The following VDAC1 variants were observed in gnomAD, a reference collection of about 807,000 sequenced individuals.
The protein encoded by VDAC1 is voltage dependent anion channel 1.
A neutral mutation model predicts 34.7 loss-of-function variants in VDAC1; 10 were observed. The ratio of observed to expected loss-of-function variants is 0.29; its 90% CI spans 0.18 to 0.49. The LOEUF is 0.49. Ranked by LOEUF, VDAC1 falls within the 20% of genes least tolerant of loss-of-function variation. VDAC1 has a pLI of 0.99. For missense variants in VDAC1, 230 were observed against 347.9 expected (o/e 0.66, Z 2.69); for synonymous variants, 130 against 136.0 (o/e 0.96, Z 0.30).
At chr5:134,015,432 T>G in the VDAC1 span, among the ~76,000 whole-genome samples, 1 of 152,100 alleles carries the variant, frequency 6.6e-6, no homozygotes, top group Non-Finnish European at 1.5e-5. Context: ...CAACACACAT[T>G]GAATCTTCTG....
At chr5:134,007,935 A>G (rs1261455640), upstream of VDAC1, among the ~76,000 whole-genome samples, 1 of 152,088 alleles carries the variant, frequency 6.6e-6, no homozygotes, top group African/African-American at 2.4e-5. Context: ...TGGGTGGAGA[A>G]GGAGGTTTGT....
rs372844244 is a variant in VDAC1 at position 133,975,892 on chromosome 5, A to G, written c.681T>C (p.Ile227=). The change falls in exon 7 of 9, where the codon ATT becomes ATC. Residue 227 remains isoleucine (I), a synonymous_variant. Transcript: ENST00000265333. ...CCACCGAGAAGCAGGCGTCAGGGTC[A>G]ATCTGATACTTGGCTGCTATTCCGA... ...TRFGIAAKYQ[I]DPDACFSAKV... The G allele has an allele frequency of 1.2e-6, 2 of 1,611,704 alleles. No individual in the cohort carries two copies. The highest frequency in any genetic ancestry group is 1.7e-6 in the Non-Finnish European group (2 of 1,179,776).
chr5:133,974,149 T>C (rs529374243), intron 7 of VDAC1, among the ~76,000 whole-genome samples: 31 of 152,306 alleles, frequency 2.0e-4, no homozygotes, highest in Non-Finnish European at 3.4e-4. Flanking sequence ...CCTTTTCTCT[T>C]GTTTTTAAGT....
the VDAC1 span, among the ~76,000 whole-genome samples, chr5:134,102,393 G>A: frequency 1.3e-5 from 2 of 151,492 alleles, no homozygotes; most frequent in Admixed American, 1.3e-4. Context: ...ATTAGGCCTG[G>A]CGCGGTGGCT....
intron 1 of VDAC1, among the ~76,000 whole-genome samples, chr5:133,994,087 G>A (rs866690323): frequency 6.6e-6 from 1 of 152,136 alleles, no homozygotes; most frequent in African/African-American, 2.4e-5. Context: ...TATACCATCT[G>A]AAGTTACATG....
At chr5:134,109,099 C>A in the VDAC1 span, among the ~76,000 whole-genome samples, 1 of 149,624 alleles carries the variant, frequency 6.7e-6, no homozygotes, top group African/African-American at 2.5e-5. Flanking sequence ...TAACTACTTC[C>A]TGGATTCTAA....
chr5:134,021,557 T>TAAAA, the VDAC1 span, among the ~76,000 whole-genome samples: 1 of 142,410 alleles, frequency 7.0e-6, no homozygotes, highest in Non-Finnish European at 1.5e-5. Flanking sequence ...GACCTTGTCT[T>TAAAA]AAAAAAAAAA....
At chr5:134,079,599 T>G in the VDAC1 span, among the ~76,000 whole-genome samples, 1 of 152,206 alleles carries the variant, frequency 6.6e-6, no homozygotes, top group Non-Finnish European at 1.5e-5. Flanking sequence ...GGCATTTGTT[T>G]TGGGACAAGT....
chr5:134,058,594 C>T, the VDAC1 span, among the ~76,000 whole-genome samples: 7 of 152,262 alleles, frequency 4.6e-5, no homozygotes, highest in African/African-American at 1.4e-4. Flanking sequence ...GGATTACAGA[C>T]GTGAGCCACC....
intron 2 of VDAC1, 58 bp from the exon 3 acceptor site, chr5:133,992,413 G>C: frequency 7.1e-7 from 1 of 1,402,350 alleles, no homozygotes; most frequent in Non-Finnish European, 9.7e-7. Flanking sequence ...CAGCACCTCT[G>C]CCTCCCTCAT....
chr5:134,009,755 C>G (rs1753803405), upstream of VDAC1, among the ~76,000 whole-genome samples: 1 of 152,074 alleles, frequency 6.6e-6, no homozygotes, highest in East Asian at 1.9e-4. Flanking sequence ...CATCTCGGGT[C>G]ACTGCAACCT....
intron 6 of VDAC1, among the ~76,000 whole-genome samples, chr5:133,977,728 A>G (rs71587508): frequency 0.23 from 35,250 of 152,170 alleles, 4,709 homozygotes; most frequent in Admixed American, 0.29. Context: ...AACCTTCTCC[A>G]TGGAGGGAAC....
At chr5:133,990,797 T>C in intron 5 of VDAC1, 58 bp downstream of exon 5, 1 of 1,509,618 alleles carries the variant, frequency 6.6e-7, no homozygotes, top group Non-Finnish European at 8.9e-7. Context: ...CACAAAGGGC[T>C]TCCACCACCT....
chr5:133,975,805 T>A, intron 7 of VDAC1, 66 bp downstream of exon 7: 1 of 1,591,550 alleles, frequency 6.3e-7, no homozygotes, highest in Non-Finnish European at 8.6e-7. Flanking sequence ...CCAGCAAACC[T>A]GAAGGATTCC....
At chr5:134,044,269 C>T in the VDAC1 span, among the ~76,000 whole-genome samples, 1 of 152,352 alleles carries the variant, frequency 6.6e-6, no homozygotes, top group African/African-American at 2.4e-5. Context: ...CCAACTCAGA[C>T]ATCTGTGCTC....
chr5:134,002,125 G>A lies in VDAC1; in HGVS notation c.-7+2770C>T, dbSNP rs566991275. The stretch of plus-strand genomic sequence containing the variant: ...CACCACGGGAAATTCCATCAAAGGC[G>A]AAGTGGACTTCAGTGCTTCAGGAGC... On this transcript the variant is annotated intron_variant, in intron 1 of 8. Coordinates refer to ENST00000265333, the MANE Select transcript of VDAC1 (RefSeq NM_003374.3). 3.8e-4 allele frequency among the ~76,000 whole-genome samples: 57 copies of A among 151,984 alleles called. No individual in the cohort carries two copies. The South Asian group carries it at 4.0e-3, about 11-fold the overall frequency.
chr5:134,112,468 C>T, the VDAC1 span, among the ~76,000 whole-genome samples: 40 of 152,286 alleles, frequency 2.6e-4, no homozygotes, highest in African/African-American at 9.6e-4. Flanking sequence ...CTCTCCCTCA[C>T]GCCTCCTCAC....
the VDAC1 span, among the ~76,000 whole-genome samples, chr5:134,026,255 C>T: frequency 6.6e-6 from 1 of 152,116 alleles, no homozygotes; most frequent in Non-Finnish European, 1.5e-5. Flanking sequence ...CGCCTGTAAT[C>T]CCAGCACTTT....
the VDAC1 span, among the ~76,000 whole-genome samples, chr5:134,088,961 C>T: frequency 1.2e-4 from 19 of 152,396 alleles, no homozygotes; most frequent in Non-Finnish European, 1.5e-5. Flanking sequence ...CACGCTGTTG[C>T]ATGCAGCCAT....
Sources: allele counts gnomAD v4.1 joint callset (sites outside exome capture counted in the v4.1 genomes callset), GRCh38; gene constraint gnomAD v4.1.1; transcripts MANE v1.5; gene names NCBI Gene and HGNC (gene_info 2026-07-23, HGNC 2026-07-21).